The following HROB variants were observed in gnomAD, a reference collection of about 807,000 sequenced individuals.
HROB encodes the protein homologous recombination factor with OB-fold, also known as homologous recombination OB-fold protein.
HROB carries 44 observed loss-of-function variants against 61.0 expected under a neutral mutation model. The ratio of observed to expected loss-of-function variants is 0.72; its 90% CI spans 0.57 to 0.93. The LOEUF (loss-of-function observed/expected upper bound fraction) is 0.93, where lower values mean the gene tolerates loss of function less well. HROB is among the 40% of genes least tolerant of loss of function. The pLI, the probability that HROB is intolerant of heterozygous loss-of-function variation, is 0.00. For synonymous variants in HROB, 301 were observed against 310.4 expected, an observed-to-expected ratio of 0.97 and a Z score of 0.32; for missense variants, 716 against 796.2, an observed-to-expected ratio of 0.90 and a Z score of 1.21.
intron 1 of HROB, 96 bp from the exon 2 acceptor site, chr17:44,145,107 C>A: frequency 7.6e-7 from 1 of 1,324,380 alleles, no homozygotes; most frequent in East Asian, 2.3e-5. Context: ...AACAATATAC[C>A]TGATGGTATT....
chr17:44,151,093 G>T (rs1260479062), intron 4 of HROB, 49 bp downstream of exon 4: 5 of 1,518,340 alleles, frequency 3.3e-6, no homozygotes, highest in Admixed American at 3.4e-5. Context: ...AGAGTGAGGG[G>T]CGTCCCTGTG....
chr17:44,147,969 C>T lies in HROB; in HGVS notation c.166C>T (p.Gln56Ter), dbSNP rs1232834036. ...TAGGCCACAGGAGACTGTGCAGGCACAGTCCTCCAGGCTGCTGCTGTTACA... is the reference window on the plus strand; with the variant it reads ...TAGGCCACAGGAGACTGTGCAGGCATAGTCCTCCAGGCTGCTGCTGTTACA... ...SSRPQETVQA[Q>*]SSRLLLLHPT... Residue 56 changes from glutamine (Q) to a stop codon, truncating the protein, a stop_gained, in exon 3 of 10, where the codon CAG becomes TAG. Transcript: ENST00000585683. LOFTEE classifies it high-confidence loss of function. 1.9e-6 allele frequency: 3 copies of T among 1,614,038 alleles called. No homozygotes were observed. The highest frequency in any genetic ancestry group is 2.5e-6 in the Non-Finnish European group (3 of 1,180,048).
intron 3 of HROB, among the ~76,000 whole-genome samples, chr17:44,150,652 A>G (rs867594531): frequency 2.4e-4 from 36 of 152,150 alleles, no homozygotes; most frequent in Middle Eastern, 3.4e-3. Flanking sequence ...CAGCCTCCCA[A>G]AGTGCTGGGA....
chr17:44,160,537 C>A (rs1055534137), intron 9 of HROB, among the ~76,000 whole-genome samples: 1 of 152,172 alleles, frequency 6.6e-6, no homozygotes, highest in Non-Finnish European at 1.5e-5. Flanking sequence ...CACTGCACTC[C>A]AGCCTGGGCG....
chr17:44,154,438 T>G (rs1255116789), intron 5 of HROB, 118 bp from the exon 6 acceptor site: 7 of 876,560 alleles, frequency 8.0e-6, no homozygotes, highest in Non-Finnish European at 1.1e-5. Flanking sequence ...ACAAAGAAGA[T>G]CATCACTATA....
At chr17:44,152,811 G>A (rs1218969413) in intron 5 of HROB, 34 bp downstream of exon 5, 3 of 1,604,852 alleles carry the variant, frequency 1.9e-6, no homozygotes, top group African/African-American at 1.3e-5. Flanking sequence ...CCAAAGGAAA[G>A]ACCATTTTTC....
intron 3 of HROB, among the ~76,000 whole-genome samples, chr17:44,150,610 C>T (rs1177591156): frequency 4.6e-5 from 7 of 151,978 alleles, no homozygotes; most frequent in Non-Finnish European, 1.0e-4. Context: ...AGGCTGGTCT[C>T]GAACTCCTGA....
At chr17:44,142,259 G>T in intron 1 of HROB, 114 bp downstream of exon 1, 2 of 1,307,730 alleles carry the variant, frequency 1.5e-6, no homozygotes, top group Non-Finnish European at 2.0e-6. Flanking sequence ...GGGTCTGGGT[G>T]GGGGTTCGGC....
At chr17:44,155,215 G>A (rs1351968297) in intron 7 of HROB, 71 bp from the exon 8 acceptor site, 17 of 1,592,176 alleles carry the variant, frequency 1.1e-5, no homozygotes, top group Non-Finnish European at 1.5e-5. Context: ...AAGGCAGGTG[G>A]GAGCCAGGTG....
chr17:44,149,776 A>C (rs2053742499), intron 3 of HROB, among the ~76,000 whole-genome samples: 1 of 152,226 alleles, frequency 6.6e-6, no homozygotes, highest in Admixed American at 6.5e-5. Flanking sequence ...AGATTAAAAG[A>C]AACAGTTCCT....
At chr17:44,150,677 C>T (rs1402090969) in intron 3 of HROB, among the ~76,000 whole-genome samples, 5 of 152,188 alleles carry the variant, frequency 3.3e-5, no homozygotes, top group Admixed American at 2.6e-4. Flanking sequence ...AGGTGTGAGC[C>T]GCCACGCCCA....
chr17:44,159,641 T>G (rs531910411), intron 9 of HROB, among the ~76,000 whole-genome samples: 3 of 152,350 alleles, frequency 2.0e-5, no homozygotes, highest in East Asian at 3.9e-4. Flanking sequence ...GTGAGTCATC[T>G]CAAAAGATTG....
intron 5 of HROB, 53 bp from the exon 6 acceptor site, chr17:44,154,503 G>C: frequency 6.3e-7 from 1 of 1,578,796 alleles, no homozygotes; most frequent in Non-Finnish European, 8.7e-7. Context: ...GGAGACCTGG[G>C]AAGTCACAAG....
At chr17:44,142,303 G>C (rs961116704) in intron 1 of HROB, among the ~76,000 whole-genome samples, 158 bp downstream of exon 1, 56 of 152,130 alleles carry the variant, frequency 3.7e-4, no homozygotes, top group Non-Finnish European at 6.5e-4. Flanking sequence ...GTCAGGGCTT[G>C]TCATGGACGC....
chr17:44,152,172 G>T (rs1326486020), intron 4 of HROB, among the ~76,000 whole-genome samples: 3 of 151,866 alleles, frequency 2.0e-5, no homozygotes, highest in African/African-American at 7.2e-5. Flanking sequence ...TAGAGACGAG[G>T]TTTCACCATG....
rs1294912406 is a variant in HROB, at chr17:44,148,478, C to T, written c.675C>T (p.Ala225=). Residue 225 remains alanine (A), a synonymous_variant, in exon 3 of 10, where the codon GCC becomes GCT. Transcript: ENST00000585683. The stretch of plus-strand genomic sequence containing the variant: ...TCCACAAAGCGGGTATCATGTCCGC[C>T]CAGGATGAGTCTCTAGATCCTGTCA... ...PAIHKAGIMS[A]QDESLDPVIQ... The T allele has an allele frequency of 1.2e-6, 2 of 1,614,064 alleles. No individual in the cohort carries two copies. Among genetic ancestry groups the T allele is most frequent in the South Asian group, 1.1e-5 (1 of 91,078 alleles).
rs919262852 is a variant in HROB at position 44,154,540 on chromosome 17, C to G, written c.1450-16C>G. ...GGGCCGTGGAAGGCTCAGCATATGCCTCTCCTTGTAAGCAGGCAGCCCTGA... is the reference window on the plus strand; with the variant it reads ...GGGCCGTGGAAGGCTCAGCATATGCGTCTCCTTGTAAGCAGGCAGCCCTGA... On this transcript the variant is annotated splice_polypyrimidine_tract_variant and intron_variant, in intron 5 of 9. Transcript: ENST00000585683. 1.2e-6 allele frequency: 2 copies of G among 1,613,774 alleles called. No individual in the cohort carries two copies. The highest frequency in any genetic ancestry group is 8.5e-7 in the Non-Finnish European group (1 of 1,179,710).
At chr17:44,152,890 A>G in intron 5 of HROB, 113 bp downstream of exon 5, 1 of 1,314,526 alleles carries the variant, frequency 7.6e-7, no homozygotes, top group Non-Finnish European at 1.0e-6. Flanking sequence ...TACCCTATAC[A>G]AGTAGCAGCA....
intron 2 of HROB, 91 bp from the exon 3 acceptor site, chr17:44,147,767 C>T: frequency 7.8e-7 from 1 of 1,279,032 alleles, no homozygotes; most frequent in Non-Finnish European, 1.1e-6. Flanking sequence ...AGTATCTACA[C>T]ACAAACATAC....
Sources: gnomAD v4.1 joint callset for allele counts (sites outside exome capture counted in the v4.1 genomes callset) on GRCh38, gnomAD v4.1.1 for gene constraint, MANE v1.5 for transcripts, NCBI Gene and HGNC (gene_info 2026-07-23, HGNC 2026-07-21) for gene names.